PTOV1: variants seen among roughly 807,000 people sequenced by gnomAD.
PTOV1 encodes PTOV1 extended AT-hook containing adaptor protein.
PTOV1 carries 20 observed loss-of-function variants against 58.0 expected under a neutral mutation model. The ratio of observed to expected loss-of-function variants is 0.34; its 90% confidence interval spans 0.24 to 0.50. The LOEUF is 0.50. PTOV1 is among the 20% of genes least tolerant of loss of function. The pLI is 0.98. For missense variants in PTOV1, 593 were observed against 565.4 expected (o/e 1.05, Z -0.50); for synonymous variants, 335 against 234.2 (o/e 1.43, Z -3.93).
chr19:49,856,853 C>T (rs2074490843), intron 5 of PTOV1, 122 bp from the exon 6 acceptor site: 22 of 1,209,992 alleles, frequency 1.8e-5, no homozygotes, highest in Non-Finnish European at 2.4e-5. Flanking sequence ...ATGGCCTTGA[C>T]TGTGGGGGCC....
chr19:49,857,230 T>C (rs2074512098), intron 6 of PTOV1, 100 bp downstream of exon 6: 13 of 1,488,798 alleles, frequency 8.7e-6, no homozygotes, highest in Non-Finnish European at 7.4e-6. Context: ...TGTGATGCGA[T>C]GGCTGGAGCA....
rs551572101 is a variant in PTOV1, at chr19:49,853,744, G to C, written c.172-662G>C. 4.6e-5 allele frequency among the ~76,000 whole-genome samples: 7 copies of C among 152,300 alleles called. No individual in the cohort carries two copies. In the South Asian group the frequency reaches 6.2e-4, roughly 14 times the overall value. On this transcript the variant is annotated intron_variant, in intron 1 of 11. Transcript: ENST00000391842. ...TTTGGTCTGTGAGACCCCTCTGGGG[G>C]TGGTGTCCCAGCTGTCTTCCAAATG... is the stretch of plus-strand genomic sequence containing the variant.
chr19:49,853,505 A>G (rs865960382), intron 1 of PTOV1, among the ~76,000 whole-genome samples: 1 of 151,946 alleles, frequency 6.6e-6, no homozygotes, highest in African/African-American at 2.4e-5. Flanking sequence ...AAAAAAAAAA[A>G]AAAAAAAAAA....
chr19:49,851,139 C>A, upstream of PTOV1: 1 of 1,317,340 alleles, frequency 7.6e-7, no homozygotes, highest in Non-Finnish European at 9.6e-7. Context: ...TGGTACGCGC[C>A]GGGCTCCCCC....
chr19:49,860,206 C>G (rs972400901), intron 11 of PTOV1, 23 bp downstream of exon 11: 5 of 1,613,920 alleles, frequency 3.1e-6, no homozygotes, highest in Admixed American at 1.7e-5. Context: ...GCCTCCAGGG[C>G]TGCTCAGTCT....
chr19:49,855,945 CAG>C (rs765742201), intron 5 of PTOV1, among the ~76,000 whole-genome samples: 2 of 151,950 alleles, frequency 1.3e-5, no homozygotes, highest in Non-Finnish European at 2.9e-5. Context: ...GGAGAGGAGG[CAG>C]GGGTGGGGTG....
rs1374224023 is a variant in PTOV1 at position 49,854,929 on chromosome 19, C to G, written c.450+41C>G. 4.4e-6 allele frequency: 7 copies of G among 1,603,346 alleles called. No homozygotes were observed. In the African/African-American group the frequency reaches 5.4e-5, roughly 12 times the overall value. On this transcript the variant is annotated intron_variant, in intron 4 of 11. Coordinates refer to ENST00000391842, the Ensembl canonical transcript of PTOV1. ...CCCACCCCATCCACTCTGAGCACCC[C>G]CATGCCTGGCTGACCCAGCTGTCTG...
intron 9 of PTOV1, 136 bp downstream of exon 9, chr19:49,858,250 G>A (rs2074570038): frequency 1.7e-6 from 2 of 1,153,756 alleles, no homozygotes; most frequent in South Asian, 1.5e-5. Context: ...AAGCAGGTGT[G>A]GTGGGTAGCT....
chr19:49,860,376 G>T (rs1008067902), exon 12 of PTOV1: 1 of 521,392 alleles, frequency 1.9e-6, no homozygotes, highest in Non-Finnish European at 3.5e-6. Flanking sequence ...GGACCCTGGG[G>T]CATGTGGGGG....
chr19:49,858,077 G>A, exon 9 of PTOV1: 1 of 1,614,068 alleles, frequency 6.2e-7, no homozygotes, highest in Non-Finnish European at 8.5e-7. Context: ...CAGTGGCCAA[G>A]GAAGCTGTAC....
intron 9 of PTOV1, 34 bp downstream of exon 9, chr19:49,858,148 C>G (rs146437714): frequency 1.2e-6 from 2 of 1,606,624 alleles, no homozygotes; most frequent in African/African-American, 2.7e-5. Context: ...GGAGCCTGCA[C>G]GCAGTAGCTC....
intron 5 of PTOV1, 91 bp from the exon 6 acceptor site, chr19:49,856,884 C>G: frequency 2.7e-6 from 4 of 1,491,730 alleles, no homozygotes; most frequent in Non-Finnish European, 3.7e-6. Flanking sequence ...GATGATCTCC[C>G]TTCATCCCCT....
At chr19:49,851,873 T>G (rs1387839531) in intron 1 of PTOV1, 67 of 983,300 alleles carry the variant, frequency 6.8e-5, no homozygotes, top group Non-Finnish European at 7.6e-5. Flanking sequence ...GGGGCGGTTT[T>G]GGGGGACAGC....
chr19:49,858,701 G>A (rs201156518), intron 10 of PTOV1, 48 bp downstream of exon 10: 114 of 1,472,224 alleles, frequency 7.7e-5, no homozygotes, highest in East Asian at 4.7e-4. Flanking sequence ...AGGGCAGAGC[G>A]AGCCCGGACC....
intron 1 of PTOV1, chr19:49,851,756 C>G: frequency 9.2e-7 from 1 of 1,089,864 alleles, no homozygotes; most frequent in Non-Finnish European, 1.1e-6. Context: ...GCTGACTCCG[C>G]GGCCCGATTT....
chr19:49,860,620 C>T lies in PTOV1; in HGVS notation c.*341C>T, dbSNP rs11047. 2.1e-3 allele frequency: 1,019 copies of T among 487,928 alleles called. 11 individuals are homozygous for T. Among genetic ancestry groups the T allele is most frequent in the African/African-American group, 0.018 (946 of 51,868 alleles). 30.2% of individuals were successfully genotyped at this position (487,928 alleles called of 1,614,324 possible). ...ACTGCACCCCTGCCCCCAGGTGACA[C>T]GCTTCTGAGCAGGGGCCCCTGGGGA... On this transcript the variant is annotated 3_prime_UTR_variant, in exon 12 of 12. Transcript: ENST00000391842.
intron 9 of PTOV1, 198 bp from the exon 10 acceptor site, chr19:49,858,351 G>A: frequency 1.5e-6 from 1 of 686,408 alleles, no homozygotes; most frequent in South Asian, 1.9e-5. Flanking sequence ...CTGCACCTGG[G>A]GGGCTGCCAA....
chr19:49,852,922 C>T (rs1213561709), intron 1 of PTOV1: 2 of 152,204 alleles, frequency 1.3e-5, no homozygotes, highest in East Asian at 3.8e-4. Flanking sequence ...TGCTGGATGT[C>T]CGGTATGGTG....
intron 2 of PTOV1, 49 bp downstream of exon 2, chr19:49,854,592 C>G: frequency 1.2e-6 from 2 of 1,612,952 alleles, no homozygotes; most frequent in Non-Finnish European, 1.7e-6. Flanking sequence ...TGTCTTGTCC[C>G]TGCGGGGACA....
Sources: allele counts gnomAD v4.1 joint callset (sites outside exome capture counted in the v4.1 genomes callset), GRCh38; gene constraint gnomAD v4.1.1; transcripts MANE v1.5; gene names NCBI Gene and HGNC (gene_info 2026-07-23, HGNC 2026-07-21).